Variants in TGFBR3 observed in about 807,000 individuals in gnomAD.
TGFBR3 encodes transforming growth factor beta receptor 3, also known as transforming growth factor beta receptor type 3.
Under a neutral mutation model 87.9 loss-of-function variants are expected in TGFBR3, and 46 were observed. The observed-to-expected ratio is 0.52, with a 90% CI of 0.41 to 0.67. The LOEUF (loss-of-function observed/expected upper bound fraction) is 0.67, where lower values mean the gene tolerates loss of function less well. Among genes scored for constraint, TGFBR3 ranks in the 30% least tolerant of loss-of-function variants. The pLI, the probability that TGFBR3 is intolerant of heterozygous loss-of-function variation, is 0.00. For missense variants in TGFBR3, 866 were observed against 1,041.9 expected (o/e 0.83, Z 2.32); for synonymous variants, 381 against 391.6 (o/e 0.97, Z 0.32).
intron 3 of TGFBR3, among the ~76,000 whole-genome samples, chr1:91,790,026 A>G (rs755049849): frequency 6.6e-6 from 1 of 152,214 alleles, no homozygotes. Flanking sequence ...AATGATTTCT[A>G]TAGTAATACT....
At chr1:91,899,647 C>T (rs1448809156) in exon 2 of TGFBR3, 1 of 152,228 alleles carries the variant, frequency 6.6e-6, no homozygotes, top group African/African-American at 2.4e-5. Flanking sequence ...CACCAAAGAT[C>T]TACACACAAG....
Position 91,722,144 on chromosome 1 carries a change from C to A in TGFBR3, c.886G>T (p.Ala296Ser), listed in dbSNP as rs140100898. ...FDVKGSLKII[A>S]PNSIGFGKES... is the part of the protein sequence containing the mutation. ...TTTCCAAAGCCAATACTGTTAGGAGCCTGAAGATATAGCAAAAAAATCACT... is the reference window on the plus strand; with the variant it reads ...TTTCCAAAGCCAATACTGTTAGGAGACTGAAGATATAGCAAAAAAATCACT... The change falls in exon 8 of 17, where the codon GCT becomes TCT. Residue 296 changes from alanine to serine, a missense_variant and splice_region_variant. Ala to Ser is a moderately conservative substitution (Grantham distance 99, BLOSUM62 1). Transcript: ENST00000212355. 2.1e-4 allele frequency: 336 copies of A among 1,613,132 alleles called. 2 individuals carry two copies. The African/African-American group carries it at 3.9e-3, about 19-fold the overall frequency.
chr1:91,868,961 A>G (rs1358460697), intron 1 of TGFBR3, among the ~76,000 whole-genome samples: 2 of 152,190 alleles, frequency 1.3e-5, no homozygotes, highest in Admixed American at 1.3e-4. Flanking sequence ...TCGTCTAGTT[A>G]GTCCAAGCTC....
intron 2 of TGFBR3, among the ~76,000 whole-genome samples, chr1:91,817,473 T>C (rs1676275849): frequency 6.6e-6 from 1 of 152,238 alleles, no homozygotes; most frequent in Non-Finnish European, 1.5e-5. Flanking sequence ...AATTCTCAAG[T>C]GTTCAGACAG....
chr1:91,882,680 G>A (rs193251756), intron 1 of TGFBR3, among the ~76,000 whole-genome samples: 1 of 152,140 alleles, frequency 6.6e-6, no homozygotes, highest in Non-Finnish European at 1.5e-5. Context: ...GGGAGGTGGA[G>A]CTTGCAGTGA....
At chr1:91,728,532 A>G (rs1017829555) in intron 6 of TGFBR3, among the ~76,000 whole-genome samples, 2 of 152,202 alleles carry the variant, frequency 1.3e-5, no homozygotes, top group African/African-American at 4.8e-5. Context: ...CATCCCTGTC[A>G]TTCTGAATTT....
At chr1:91,876,069 G>A (rs1220871933) in intron 1 of TGFBR3, among the ~76,000 whole-genome samples, 8 of 151,930 alleles carry the variant, frequency 5.3e-5, no homozygotes, top group Non-Finnish European at 1.0e-4. Context: ...TTTGCACTCC[G>A]TACTTCACAC....
chr1:91,743,001 G>A (rs2100847322), intron 4 of TGFBR3, among the ~76,000 whole-genome samples: 1 of 152,210 alleles, frequency 6.6e-6, no homozygotes, highest in South Asian at 2.1e-4. Flanking sequence ...AAAAGCCAAA[G>A]AGGCAACCAG....
intron 2 of TGFBR3, among the ~76,000 whole-genome samples, chr1:91,801,805 C>T (rs569185672): frequency 5.3e-5 from 8 of 152,272 alleles, no homozygotes; most frequent in Admixed American, 2.0e-4. Context: ...CACACTGCTG[C>T]TGAGAGAGCA....
chr1:91,706,757 C>T (rs535836396), intron 14 of TGFBR3, among the ~76,000 whole-genome samples: 27 of 152,302 alleles, frequency 1.8e-4, no homozygotes, highest in African/African-American at 6.5e-4. Context: ...AATCTAAGAA[C>T]CCTCTATTGG....
chr1:91,751,415 C>T (rs55884338), intron 4 of TGFBR3, among the ~76,000 whole-genome samples: 1 of 152,068 alleles, frequency 6.6e-6, no homozygotes, highest in Non-Finnish European at 1.5e-5. Context: ...ATGGGCTGTG[C>T]GTGTCCCTTC....
At chr1:91,825,844 G>T (rs953775797) in intron 2 of TGFBR3, among the ~76,000 whole-genome samples, 1 of 152,062 alleles carries the variant, frequency 6.6e-6, no homozygotes, top group African/African-American at 2.4e-5. Context: ...AGCCAGGCGT[G>T]GTGGTGGGTG....
intron 4 of TGFBR3, among the ~76,000 whole-genome samples, chr1:91,758,242 A>G (rs1673819583): frequency 6.6e-6 from 1 of 152,034 alleles, no homozygotes; most frequent in Admixed American, 6.5e-5. Flanking sequence ...GTCCGTGCAT[A>G]TTCATTTTGT....
intron 3 of TGFBR3, among the ~76,000 whole-genome samples, chr1:91,776,623 T>G (rs983984069): frequency 2.6e-5 from 4 of 152,302 alleles, no homozygotes; most frequent in Admixed American, 2.6e-4. Context: ...GAAAGAAGCC[T>G]ACCAGCGTTT....
chr1:91,853,708 G>A lies in TGFBR3; in HGVS notation c.61+7763C>T, dbSNP rs569494584. Among the ~76,000 whole-genome samples the A allele has an allele frequency of 5.5e-4, 84 of 152,200 alleles. 1 individual carries two copies. The Middle Eastern group carries it at 0.017, about 31-fold the overall frequency. On this transcript the variant is annotated intron_variant, in intron 2 of 16. Transcript: ENST00000212355. Reference sequence around the variant, plus strand: ...ATCATATATGATCAAACTTATATGCGGAATCTTAAAAAGCCAAACTCATGG... The same window carrying A: ...ATCATATATGATCAAACTTATATGCAGAATCTTAAAAAGCCAAACTCATGG...
chr1:91,892,489 T>C (rs1679471258), intron 2 of TGFBR3, among the ~76,000 whole-genome samples: 2 of 152,246 alleles, frequency 1.3e-5, no homozygotes, highest in Admixed American at 1.3e-4. Context: ...ACCCGGAACA[T>C]ATATTAATGC....
intron 5 of TGFBR3, 152 bp from the exon 6 acceptor site, chr1:91,730,125 T>C: frequency 1.2e-6 from 1 of 843,134 alleles, no homozygotes; most frequent in African/African-American, 1.7e-5. Flanking sequence ...CCGCAACCAC[T>C]GCCCTGAAAT....
intron 3 of TGFBR3, among the ~76,000 whole-genome samples, chr1:91,760,341 AG>A (rs1205750230): frequency 6.6e-6 from 1 of 152,202 alleles, no homozygotes; most frequent in Non-Finnish European, 1.5e-5. Context: ...GCTTGAACCC[AG>A]GAAGTGGAGG....
chr1:91,702,492 AAAAAT>A (rs941405701), intron 14 of TGFBR3, among the ~76,000 whole-genome samples: 2 of 152,076 alleles, frequency 1.3e-5, no homozygotes, highest in African/African-American at 4.8e-5. Flanking sequence ...TAAAAATACA[AAAAAT>A]AAAATAAAAT....
Sources: gnomAD v4.1 joint callset for allele counts (sites outside exome capture counted in the v4.1 genomes callset) on GRCh38, gnomAD v4.1.1 for gene constraint, MANE v1.5 for transcripts, NCBI Gene and HGNC (gene_info 2026-07-23, HGNC 2026-07-21) for gene names.